Variants in LINGO2 observed in about 807,000 individuals in gnomAD.
LINGO2 encodes leucine-rich repeat and immunoglobulin-like domain-containing nogo receptor-interacting protein 2.
Under a neutral mutation model 30.6 loss-of-function variants are expected in LINGO2, and 14 were observed. The observed-to-expected ratio is 0.46, with a 90% CI of 0.30 to 0.72. The LOEUF (loss-of-function observed/expected upper bound fraction) is 0.72. LINGO2 is among the 30% of genes least tolerant of loss of function. LINGO2 has a pLI of 0.07. For missense variants in LINGO2, 729 were observed against 751.7 expected, an observed-to-expected ratio of 0.97 and a Z score of 0.35; for synonymous variants, 317 against 288.5, an observed-to-expected ratio of 1.10 and a Z score of -1.00.
chr9:28,785,546 T>C, the LINGO2 span, among the ~76,000 whole-genome samples: 5 of 152,266 alleles, frequency 3.3e-5, no homozygotes, highest in East Asian at 3.9e-4. Flanking sequence ...AACAAAAACA[T>C]TGTCACTTTG....
At chr9:29,068,789 A>C in the LINGO2 span, among the ~76,000 whole-genome samples, 1 of 151,892 alleles carries the variant, frequency 6.6e-6, no homozygotes, top group Non-Finnish European at 1.5e-5. Flanking sequence ...TTCTACATTT[A>C]ATCTTAGAAA....
the LINGO2 span, among the ~76,000 whole-genome samples, chr9:28,732,975 C>A: frequency 2.0e-5 from 3 of 152,168 alleles, no homozygotes. Context: ...CAAATGAAGG[C>A]TTACCAGACC....
chr9:28,106,500 T>C (rs1826596952), intron 4 of LINGO2, among the ~76,000 whole-genome samples: 1 of 152,190 alleles, frequency 6.6e-6, no homozygotes, highest in Admixed American at 6.5e-5. Context: ...AAACTTCTTA[T>C]TTAATCTCAT....
chr9:28,682,989 A>G, the LINGO2 span, among the ~76,000 whole-genome samples: 7,840 of 152,196 alleles, frequency 0.052, 387 homozygotes, highest in Admixed American at 0.18. Context: ...GATGGTAAGT[A>G]TTCCCACTTT....
At chr9:28,103,921 A>AT (rs1826491520) in intron 4 of LINGO2, among the ~76,000 whole-genome samples, 1 of 152,238 alleles carries the variant, frequency 6.6e-6, no homozygotes, top group Non-Finnish European at 1.5e-5. Context: ...TTCTGGAACT[A>AT]TGTTGACTTA....
the LINGO2 span, among the ~76,000 whole-genome samples, chr9:29,043,628 T>G: frequency 6.6e-6 from 1 of 152,030 alleles, no homozygotes; most frequent in South Asian, 2.1e-4. Context: ...CTGCCACTTA[T>G]GAAATCTGAT....
In LINGO2 at chr9:28,172,026, AAAAAAAAC is replaced by A. The variant is rs1483780655; in HGVS notation, c.-87+123174_-87+123181del. On this transcript the variant is annotated intron_variant, in intron 4 of 5. Coordinates refer to ENST00000379992, the Ensembl canonical transcript of LINGO2. The stretch of plus-strand genomic sequence containing the variant: ...AGCAAGACTCCGTCTCAAAAAAAAA[AAAAAAAAC>A]AAAAAAAAAAACCCAGCATCTCCTA... Among the ~76,000 whole-genome samples, 20 of 82,598 alleles carry A rather than the reference AAAAAAAAC, an allele frequency of 2.4e-4. 2 individuals are homozygous for A. The highest frequency in any genetic ancestry group is 1.5e-3 in the Admixed American group (13 of 8,884). 54.2% of individuals were successfully genotyped at this position (82,598 alleles called of 152,430 possible).
At chr9:28,304,206 A>C (rs1253045140) in intron 3 of LINGO2, among the ~76,000 whole-genome samples, 2 of 151,222 alleles carry the variant, frequency 1.3e-5, no homozygotes, top group Admixed American at 6.6e-5. Flanking sequence ...TGATACAGAA[A>C]TTTGTTCTTT....
chr9:29,102,381 C>T, the LINGO2 span, among the ~76,000 whole-genome samples: 1 of 152,046 alleles, frequency 6.6e-6, no homozygotes, highest in South Asian at 2.1e-4. Flanking sequence ...ACACCTGGCC[C>T]ATCTGCAGCT....
chr9:28,596,558 T>G (rs936293157), intron 1 of LINGO2, among the ~76,000 whole-genome samples: 2 of 152,180 alleles, frequency 1.3e-5, no homozygotes, highest in Non-Finnish European at 2.9e-5. Context: ...AATTGCTATA[T>G]AGATTGTTTT....
At chr9:29,127,504 A>G in the LINGO2 span, among the ~76,000 whole-genome samples, 2 of 152,052 alleles carry the variant, frequency 1.3e-5, no homozygotes, top group African/African-American at 4.8e-5. Context: ...GCACCTAAAC[A>G]TGGAGGCTAC....
intron 2 of LINGO2, among the ~76,000 whole-genome samples, chr9:28,374,191 G>C (rs894916474): frequency 3.9e-5 from 5 of 128,912 alleles, no homozygotes; most frequent in Non-Finnish European, 6.2e-5. Flanking sequence ...CTCTACTTTT[G>C]TTAAAAATAT....
chr9:28,859,800 G>A, the LINGO2 span, among the ~76,000 whole-genome samples: 3 of 151,572 alleles, frequency 2.0e-5, no homozygotes, highest in Non-Finnish European at 2.9e-5. Flanking sequence ...ATTTTGGTAC[G>A]TGCAGTACAC....
At chr9:28,829,557 T>C in the LINGO2 span, among the ~76,000 whole-genome samples, 1 of 152,222 alleles carries the variant, frequency 6.6e-6, no homozygotes, top group African/African-American at 2.4e-5. Flanking sequence ...GTGTTTGCTT[T>C]ATCAAATAAT....
At chr9:28,590,989 T>A (rs938859631) in intron 1 of LINGO2, among the ~76,000 whole-genome samples, 33 of 152,142 alleles carry the variant, frequency 2.2e-4, no homozygotes, top group African/African-American at 7.9e-4. Context: ...TAAAAAACGA[T>A]GAGTTCATGT....
chr9:28,974,664 G>C, the LINGO2 span, among the ~76,000 whole-genome samples: 1 of 152,014 alleles, frequency 6.6e-6, no homozygotes, highest in Non-Finnish European at 1.5e-5. Context: ...AGATATTCCA[G>C]ACATTGCAAG....
chr9:28,296,176 T>C (rs1823913588), intron 3 of LINGO2, among the ~76,000 whole-genome samples: 3 of 152,184 alleles, frequency 2.0e-5, no homozygotes, highest in Non-Finnish European at 2.9e-5. Flanking sequence ...CTTTTATTCA[T>C]ACAGAGAAAA....
At chr9:28,640,376 A>C (rs1229603721) in intron 1 of LINGO2, among the ~76,000 whole-genome samples, 1 of 152,024 alleles carries the variant, frequency 6.6e-6, no homozygotes, top group Non-Finnish European at 1.5e-5. Flanking sequence ...CTGCCTTGCT[A>C]GATTGGGGAA....
At chr9:28,118,841 G>T (rs1827009878) in intron 4 of LINGO2, among the ~76,000 whole-genome samples, 1 of 152,076 alleles carries the variant, frequency 6.6e-6, no homozygotes, top group Non-Finnish European at 1.5e-5. Context: ...CTGCAAGATA[G>T]AAAATGATCC....
Sources: gnomAD v4.1 joint callset for allele counts (sites outside exome capture counted in the v4.1 genomes callset) on GRCh38, gnomAD v4.1.1 for gene constraint, MANE v1.5 for transcripts, NCBI Gene and HGNC (gene_info 2026-07-23, HGNC 2026-07-21) for gene names.